Variants in RFWD3 observed in about 807,000 individuals in gnomAD.
RFWD3 encodes E3 ubiquitin-protein ligase RFWD3.
RFWD3 carries 65 observed loss-of-function variants against 87.7 expected under a neutral mutation model. That is an observed-to-expected ratio of 0.74 (90% CI 0.61 to 0.91). The LOEUF (loss-of-function observed/expected upper bound fraction) is 0.91. Among genes scored for constraint, RFWD3 ranks in the 40% least tolerant of loss-of-function variants. The probability of loss-of-function intolerance (pLI) is 0.00; values close to 1 mark genes in which losing one functional copy is unlikely to be tolerated. For synonymous variants in RFWD3, 433 were observed against 352.8 expected (o/e 1.23, Z -2.55); for missense variants, 1,078 against 938.5 (o/e 1.15, Z -1.94).
chr16:74,639,781 G>A (rs1339943816), intron 6 of RFWD3, among the ~76,000 whole-genome samples: 1 of 152,106 alleles, frequency 6.6e-6, no homozygotes, highest in Admixed American at 6.6e-5. Context: ...ATTATAGCTT[G>A]GAATATGTGA....
intron 10 of RFWD3, among the ~76,000 whole-genome samples, chr16:74,629,998 T>A (rs1218008982): frequency 6.6e-6 from 1 of 152,248 alleles, no homozygotes; most frequent in African/African-American, 2.4e-5. Flanking sequence ...TAATATGGTA[T>A]CTTCAAACAA....
At position 74,622,910 on chromosome 16, in the gene RFWD3, G is replaced by A. The variant is rs1958810031; in HGVS notation, c.*1018C>T. 1 of 152,232 alleles carries A rather than the reference G, an allele frequency of 6.6e-6. No homozygotes were observed. Among genetic ancestry groups the A allele is most frequent in the Admixed American group, 6.5e-5 (1 of 15,284 alleles). The allele number at this position is 152,232 out of a possible 1,614,324, so 9.4% of individuals were successfully genotyped here. A position where few individuals can be genotyped will look rare whatever the true frequency, so the allele number is the denominator to read the frequency against. ...AAGAACACTTAAGAACAGCCCCTCA[G>A]TCTGAGGAATTGGCTTTATTTAGAT... is the stretch of plus-strand genomic sequence containing the variant. On this transcript the variant is annotated 3_prime_UTR_variant, in exon 13 of 13. Transcript: ENST00000361070.
chr16:74,640,145 AT>A (rs11358380), intron 6 of RFWD3, among the ~76,000 whole-genome samples: 91,775 of 136,068 alleles, frequency 0.67, 30,407 homozygotes, highest in East Asian at 0.79. Flanking sequence ...TGGAAACTTA[AT>A]TTTTTTTTTT....
intron 6 of RFWD3, among the ~76,000 whole-genome samples, chr16:74,643,484 G>C (rs1185563979): frequency 2.0e-5 from 3 of 152,066 alleles, no homozygotes; most frequent in East Asian, 1.9e-4. Flanking sequence ...TGTTTCTTTA[G>C]AATGCCTGAA....
At chr16:74,645,359 T>C (rs966844981) in intron 4 of RFWD3, among the ~76,000 whole-genome samples, 6 of 152,256 alleles carry the variant, frequency 3.9e-5, no homozygotes, top group Non-Finnish European at 7.3e-5. Context: ...CATGGATATA[T>C]AGTCATGCAT....
Position 74,623,958 on chromosome 16 carries a change from C to T in RFWD3, c.2295G>A (p.Glu765=). ...NRNSYLATLT[E]KMVHIYKWE ...CCCACTTATAGATGTGGACCATCTTCTCTGTTAAGGTAGCCAAGTAGCTGT... is the reference window on the plus strand; with the variant it reads ...CCCACTTATAGATGTGGACCATCTTTTCTGTTAAGGTAGCCAAGTAGCTGT... The change falls in exon 13 of 13, where the codon GAG becomes GAA. Residue 765 remains glutamate, a synonymous_variant. Transcript: ENST00000361070. 2 of 1,614,144 alleles carry T rather than the reference C, an allele frequency of 1.2e-6. No homozygotes were observed. The highest frequency in any genetic ancestry group is 3.3e-5 in the Admixed American group (2 of 60,020).
intron 3 of RFWD3, 45 bp downstream of exon 3, chr16:74,651,875 C>A: frequency 6.4e-7 from 1 of 1,554,934 alleles, no homozygotes; most frequent in South Asian, 1.1e-5. Context: ...ATTTAAGCTT[C>A]ATGGATGTTA....
At chr16:74,664,899 G>A (rs1961755750) in intron 1 of RFWD3, among the ~76,000 whole-genome samples, 1 of 152,198 alleles carries the variant, frequency 6.6e-6, no homozygotes, top group South Asian at 2.1e-4. Flanking sequence ...ATGGAACGGT[G>A]CAGTTCTGGA....
chr16:74,645,212 G>C lies in RFWD3; in HGVS notation c.793-477C>G, dbSNP rs148596004. On this transcript the variant is annotated intron_variant, in intron 4 of 12. Coordinates refer to ENST00000361070, the MANE Select transcript of RFWD3 (RefSeq NM_018124.4). ...ACCAAGCACTGTTGTGGGTAAATGA[G>C]ATATGGACATGCTTATATACTGTTG... Among the ~76,000 whole-genome samples, 149 of 152,330 alleles carry C rather than the reference G, an allele frequency of 9.8e-4. 1 individual carries two copies. Among genetic ancestry groups the C allele is most frequent in the African/African-American group, 3.2e-3 (135 of 41,574 alleles).
At chr16:74,637,108 C>T (rs1200963598) in intron 7 of RFWD3, among the ~76,000 whole-genome samples, 3 of 106,766 alleles carry the variant, frequency 2.8e-5, no homozygotes, top group East Asian at 2.9e-4. Context: ...ATGGTGGTTT[C>T]GTTTAAAGTC....
At chr16:74,645,698 A>G (rs1480512761) in intron 4 of RFWD3, among the ~76,000 whole-genome samples, 1 of 151,294 alleles carries the variant, frequency 6.6e-6, no homozygotes, top group East Asian at 1.9e-4. Flanking sequence ...GTGGTCTGTC[A>G]TAGACTGAAC....
chr16:74,637,436 G>T (rs1391145765), intron 7 of RFWD3, among the ~76,000 whole-genome samples: 1 of 152,232 alleles, frequency 6.6e-6, no homozygotes, highest in Non-Finnish European at 1.5e-5. Flanking sequence ...AGACTAGCCT[G>T]GCCATCATGG....
At chr16:74,642,255 TG>T (rs1272647539) in intron 6 of RFWD3, among the ~76,000 whole-genome samples, 2 of 151,840 alleles carry the variant, frequency 1.3e-5, no homozygotes, top group African/African-American at 4.8e-5. Flanking sequence ...CCCGAGTTGC[TG>T]GCATTACAGG....
intron 2 of RFWD3, among the ~76,000 whole-genome samples, chr16:74,653,299 C>T (rs1001580484): frequency 1.3e-5 from 2 of 151,770 alleles, no homozygotes; most frequent in Non-Finnish European, 2.9e-5. Context: ...TGATGGTGCC[C>T]ATACTCCAGC....
intron 12 of RFWD3, among the ~76,000 whole-genome samples, chr16:74,626,088 G>A (rs1372652929): frequency 4.6e-5 from 7 of 152,188 alleles, no homozygotes; most frequent in African/African-American, 9.7e-5. Context: ...TCAGGAGGCT[G>A]AGGCAGGAGA....
At chr16:74,636,866 A>C (rs567257297) in intron 7 of RFWD3, among the ~76,000 whole-genome samples, 2 of 151,922 alleles carry the variant, frequency 1.3e-5, no homozygotes, top group Non-Finnish European at 2.9e-5. Flanking sequence ...ACCCACTACC[A>C]TGCCCGGCTA....
intron 4 of RFWD3, among the ~76,000 whole-genome samples, 189 bp downstream of exon 4, chr16:74,648,943 T>G (rs558001405): frequency 6.9e-4 from 105 of 151,850 alleles, no homozygotes; most frequent in African/African-American, 2.3e-3. Context: ...TGTAGCCGAG[T>G]GTGGTGGCAT....
chr16:74,644,629 T>C lies in RFWD3; in HGVS notation c.899A>G (p.His300Arg). 6.2e-7 allele frequency: 1 copy of C among 1,614,206 alleles called. No individual in the cohort carries two copies. Among genetic ancestry groups the C allele is most frequent in the Admixed American group, 1.7e-5 (1 of 60,008 alleles). Residue 300 changes from histidine to arginine, a missense_variant, in exon 5 of 13, where the codon CAC (histidine) becomes CGC (arginine). Physicochemically the swap from His to Arg is conservative, Grantham distance 29. Transcript: ENST00000361070. ...CLEQWTNAGD[H>R]RLSALRCGHL... ...CCCACAGCGTAATGCTGAGAGCCGG[T>C]GGTCCCCAGCATTGGTCCACTGTTC...
At position 74,661,237 on chromosome 16, in the gene RFWD3, C is replaced by T. The variant is rs780154986; in HGVS notation, c.213G>A (p.Gln71=). ...ISSQATPPLL[Q]PAPQLSVDLT... The stretch of plus-strand genomic sequence containing the variant: ...GGTCAACAGACAGTTGCGGAGCAGG[C>T]TGGAGCAGGGGTGGTGTCGCTTGGC... The change falls in exon 2 of 13, where the codon CAG becomes CAA. Residue 71 remains glutamine, a synonymous_variant. Coordinates refer to ENST00000361070, the MANE Select transcript of RFWD3 (RefSeq NM_018124.4). 6 of 1,614,086 alleles carry T rather than the reference C, an allele frequency of 3.7e-6. No homozygotes were observed. The East Asian group carries it at 1.1e-4, about 30-fold the overall frequency.
Sources: gnomAD v4.1 joint callset for allele counts (sites outside exome capture counted in the v4.1 genomes callset) on GRCh38, gnomAD v4.1.1 for gene constraint, MANE v1.5 for transcripts, NCBI Gene and HGNC (gene_info 2026-07-23, HGNC 2026-07-21) for gene names.